Variants in OSBPL5 observed in about 807,000 individuals in gnomAD.
OSBPL5 encodes the protein oxysterol-binding protein-related protein 5.
A neutral mutation model predicts 111.2 loss-of-function variants in OSBPL5; 71 were observed. The observed-to-expected ratio is 0.64, with a 90% CI of 0.53 to 0.78. The LOEUF is 0.78. OSBPL5 is among the 30% of genes least tolerant of loss of function. The probability of loss-of-function intolerance (pLI) is 0.00; values close to 1 mark genes in which losing one functional copy is unlikely to be tolerated. For missense variants in OSBPL5, 1,210 were observed against 1,189.3 expected, an observed-to-expected ratio of 1.02 and a Z score of -0.26; for synonymous variants, 549 against 513.9, an observed-to-expected ratio of 1.07 and a Z score of -0.93.
chr11:3,134,654 G>C (rs1277116679), intron 1 of OSBPL5, among the ~76,000 whole-genome samples: 1 of 152,248 alleles, frequency 6.6e-6, no homozygotes, highest in Non-Finnish European at 1.5e-5. Context: ...TTTGGACTTG[G>C]GTTGGGGTGG....
rs1846997897 is a variant in OSBPL5, at chr11:3,162,586, ACCGC to A, written c.-22+2626_-22+2629del. Among the ~76,000 whole-genome samples, 1 of 151,834 alleles carries A rather than the reference ACCGC, an allele frequency of 6.6e-6. No individual in the cohort carries two copies. Among genetic ancestry groups the A allele is most frequent in the African/African-American group, 2.4e-5 (1 of 41,294 alleles). ...CCTTAGTCCAAGTCCTTTGTACTCG[ACCGC>A]CAACCCTACCACTCTCCGGAGCAGC... On this transcript the variant is annotated intron_variant, in intron 1 of 21. Coordinates refer to ENST00000263650, the MANE Select transcript of OSBPL5 (RefSeq NM_020896.4). The surrounding 1 kb of genome is among the most constrained non-coding windows in gnomAD (Gnocchi z 8.1).
chr11:3,143,005 CAGAGGGGGGCAGAGGAGGCA>C (rs1846179350), intron 1 of OSBPL5, among the ~76,000 whole-genome samples: 1 of 77,156 alleles, frequency 1.3e-5, no homozygotes, highest in African/African-American at 4.7e-5. Flanking sequence ...GAGGCAGGTG[CAGAGGGGGGCAGAGGAGGCA>C]GGTGCGGGGG....
At position 3,093,672 on chromosome 11, in the gene OSBPL5, G is replaced by A. The variant is rs770585088; in HGVS notation, c.1810-9C>T. 4.3e-5 allele frequency: 70 copies of A among 1,613,228 alleles called. No homozygotes were observed. Among genetic ancestry groups the A allele is most frequent in the Non-Finnish European group, 5.7e-5 (67 of 1,179,940 alleles). On this transcript the variant is annotated splice_polypyrimidine_tract_variant and intron_variant, in intron 16 of 21. Coordinates refer to ENST00000263650, the MANE Select transcript of OSBPL5 (RefSeq NM_020896.4). ...ATAAACACGTCCCTGTCCTGCCCCA[G>A]ATGGCCAGCGGGGTCAGAGGCTGGC...
rs1455430927 is a variant in OSBPL5, at chr11:3,119,597, TGTG to T, written c.638_640del (p.Thr213_Gln214delinsLys). On this transcript the variant is annotated inframe_deletion, in exon 7 of 22. Coordinates refer to ENST00000263650, the MANE Select transcript of OSBPL5 (RefSeq NM_020896.4). ...GATCAGGTAGCTGCTGGGCAGGGGCTGTGTGATGGAGCCCACGCTCTCACCTTT... is the reference window on the plus strand; with the variant it reads ...GATCAGGTAGCTGCTGGGCAGGGGCTTGATGGAGCCCACGCTCTCACCTTT... The T allele has an allele frequency of 6.3e-7, 1 of 1,576,498 alleles. No homozygotes were observed. The highest frequency in any genetic ancestry group is 1.9e-5 in the Admixed American group (1 of 51,858).
chr11:3,093,934 C>T (rs1857156688), intron 15 of OSBPL5, 99 bp from the exon 16 acceptor site: 1 of 1,428,076 alleles, frequency 7.0e-7, no homozygotes, highest in Non-Finnish European at 9.5e-7. Context: ...TCTTGGGGTG[C>T]CTGGGAGCCC....
At chr11:3,127,975 C>T (rs780162172) in intron 2 of OSBPL5, among the ~76,000 whole-genome samples, 53 of 152,336 alleles carry the variant, frequency 3.5e-4, no homozygotes, top group Middle Eastern at 3.4e-3. Context: ...GGACCCAGCC[C>T]TTCCCCTCCC....
chr11:3,144,208 C>T (rs1021932149), intron 1 of OSBPL5, among the ~76,000 whole-genome samples: 18 of 152,134 alleles, frequency 1.2e-4, no homozygotes, highest in African/African-American at 4.3e-4. Flanking sequence ...CAGGTGGGGA[C>T]AGAACATGCC....
At chr11:3,118,696 T>C (rs7116096) in intron 7 of OSBPL5, among the ~76,000 whole-genome samples, 120,885 of 151,282 alleles carry the variant, frequency 0.8, 49,098 homozygotes, top group African/African-American at 0.95. Context: ...CTCAGCCTCC[T>C]GAGTAGTTGG....
rs4758534 is a variant in OSBPL5 at position 3,130,409 on chromosome 11, G to A, written c.-21-1240C>T. On this transcript the variant is annotated intron_variant, in intron 1 of 21. Transcript: ENST00000263650. This position sits in a 1 kb window ranked among gnomAD's most constrained non-coding sequence, Gnocchi z 4.5. ...CTCCCATGGTCCTGGGCTTTGCTGGGGGGGGCCTCAGACACACAGAGACTT... is the reference window on the plus strand; with the variant it reads ...CTCCCATGGTCCTGGGCTTTGCTGGAGGGGGCCTCAGACACACAGAGACTT... Among the ~76,000 whole-genome samples the A allele has an allele frequency of 0.39, 59,557 of 152,234 alleles. 12,503 individuals are homozygous for A. Among genetic ancestry groups the A allele is most frequent in the Non-Finnish European group, 0.45 (30,867 of 68,010 alleles).
chr11:3,126,339 T>C lies in OSBPL5; in HGVS notation c.219+134A>G. 3 of 732,784 alleles carry C rather than the reference T, an allele frequency of 4.1e-6. No homozygotes were observed. The highest frequency in any genetic ancestry group is 6.4e-6 in the Non-Finnish European group (3 of 471,106). The allele number at this position is 732,784 out of a possible 1,614,324, so 45.4% of individuals were successfully genotyped here. A position where few individuals can be genotyped will look rare whatever the true frequency, so the allele number is the denominator to read the frequency against. Reference sequence around the variant, plus strand: ...CTCCCGGAGCAGCACAGTCTAGGATTGGGAGCTGTTTCCCCCGAACAGGCT... The same window carrying C: ...CTCCCGGAGCAGCACAGTCTAGGATCGGGAGCTGTTTCCCCCGAACAGGCT... On this transcript the variant is annotated intron_variant, in intron 3 of 21. Transcript: ENST00000263650. This position sits in a 1 kb window ranked among gnomAD's most constrained non-coding sequence, Gnocchi z 6.5.
At chr11:3,148,813 G>A (rs1436650176) in intron 1 of OSBPL5, among the ~76,000 whole-genome samples, 1 of 152,232 alleles carries the variant, frequency 6.6e-6, no homozygotes, top group Non-Finnish European at 1.5e-5. Flanking sequence ...GAAGGCAAAG[G>A]TGACAACCAG....
intron 7 of OSBPL5, among the ~76,000 whole-genome samples, chr11:3,112,049 G>GCA (rs1857987331): frequency 1.6e-5 from 1 of 60,700 alleles, no homozygotes; most frequent in Non-Finnish European, 2.9e-5. Flanking sequence ...GTGCGCGCAT[G>GCA]TGTGTGCATG....
Position 3,093,062 on chromosome 11 carries a change from A to G in OSBPL5, c.1947-10T>C, listed in dbSNP as rs1857121318. On this transcript the variant is annotated splice_polypyrimidine_tract_variant and intron_variant, in intron 17 of 21. Transcript: ENST00000263650. The stretch of plus-strand genomic sequence containing the variant: ...GACGTGCTGCCAGAGCCTGCGGGCC[A>G]GTGACCCATCCTGAGCCAGTGGCCC... 6.4e-7 allele frequency: 1 copy of G among 1,559,402 alleles called. No individual in the cohort carries two copies. The highest frequency in any genetic ancestry group is 8.7e-7 in the Non-Finnish European group (1 of 1,153,930).
intron 15 of OSBPL5, 27 bp from the exon 16 acceptor site, chr11:3,093,862 C>T: frequency 6.2e-7 from 1 of 1,600,342 alleles, no homozygotes; most frequent in Non-Finnish European, 8.5e-7. Context: ...AGAACAGAGC[C>T]CAGTGAGCGG....
intron 10 of OSBPL5, among the ~76,000 whole-genome samples, chr11:3,103,753 C>CTG (rs1857556513): frequency 1.9e-5 from 1 of 51,598 alleles, no homozygotes; most frequent in Non-Finnish European, 5.3e-5. Context: ...CAACCCTCTT[C>CTG]CAGCTCTGCA....
intron 17 of OSBPL5, 36 bp from the exon 18 acceptor site, chr11:3,093,088 G>A (rs374767158): frequency 2.9e-4 from 438 of 1,486,014 alleles, no homozygotes; most frequent in Non-Finnish European, 3.8e-4. Context: ...CCAGTGGCCC[G>A]GGCAGCCCGA....
intron 1 of OSBPL5, chr11:3,164,451 A>C (rs956905612): frequency 1.3e-5 from 2 of 152,562 alleles, no homozygotes; most frequent in African/African-American, 4.8e-5. Context: ...GGTGCCTGGG[A>C]AGCCCAGGAC....
intron 14 of OSBPL5, among the ~76,000 whole-genome samples, chr11:3,096,556 T>C (rs1590637145): frequency 6.7e-6 from 1 of 149,072 alleles, no homozygotes; most frequent in Non-Finnish European, 1.5e-5. Context: ...GAGGCGGAGG[T>C]TGCAGTGAGC....
intron 3 of OSBPL5, among the ~76,000 whole-genome samples, chr11:3,123,026 C>A (rs1477017118): frequency 2.6e-5 from 4 of 152,216 alleles, no homozygotes; most frequent in Non-Finnish European, 5.9e-5. Context: ...CTGGGCAGGG[C>A]CAATGTACTG....
Sources: allele counts gnomAD v4.1 joint callset (sites outside exome capture counted in the v4.1 genomes callset), GRCh38; gene constraint gnomAD v4.1.1; non-coding constraint Gnocchi (gnomAD v3.1); transcripts MANE v1.5; gene names NCBI Gene and HGNC (gene_info 2026-07-23, HGNC 2026-07-21).